The following MSMO1 variants were observed in gnomAD, a reference collection of about 807,000 sequenced individuals.
MSMO1 encodes C-4 methylsterol oxidase.
MSMO1 carries 18 observed loss-of-function variants against 30.4 expected under a neutral mutation model. The ratio of observed to expected loss-of-function variants is 0.59; its 90% CI spans 0.41 to 0.88. MSMO1 has a LOEUF of 0.88. Ranked by LOEUF, MSMO1 falls within the 40% of genes least tolerant of loss-of-function variation. The probability of loss-of-function intolerance (pLI) is 0.00; values close to 1 mark genes in which losing one functional copy is unlikely to be tolerated. For missense variants in MSMO1, 284 were observed against 340.5 expected (o/e 0.83, Z 1.31); for synonymous variants, 84 against 107.9 (o/e 0.78, Z 1.37).
At chr4:165,334,593 C>T (rs1399372657) in intron 2 of MSMO1, among the ~76,000 whole-genome samples, 2 of 152,154 alleles carry the variant, frequency 1.3e-5, no homozygotes, top group Non-Finnish European at 2.9e-5. Context: ...TGGATATTTG[C>T]TTCATTGCAC....
At chr4:165,339,368 T>G (rs562277779) in intron 4 of MSMO1, among the ~76,000 whole-genome samples, 1 of 152,284 alleles carries the variant, frequency 6.6e-6, no homozygotes, top group Non-Finnish European at 1.5e-5. Context: ...ACTCGCAAAG[T>G]GCTGGGATTA....
At position 165,337,548 on chromosome 4, in the gene MSMO1, CAT is replaced by C. The variant is rs960318316; in HGVS notation, c.256-239_256-238del. Among the ~76,000 whole-genome samples the C allele has an allele frequency of 5.3e-5, 8 of 152,284 alleles. No homozygotes were observed. The South Asian group carries it at 1.2e-3, about 24-fold the overall frequency. On this transcript the variant is annotated intron_variant, in intron 2 of 5. Transcript: ENST00000261507. ...GCAAAGACTGGAGAATTATTCATTC[CAT>C]AGTGTTTCTTAGTTTGTTTGAGATC...
In MSMO1 at chr4:165,340,465, TAGG is replaced by T. The variant is rs765390986; in HGVS notation, c.686+93_686+95del. 11 of 1,086,574 alleles carry T rather than the reference TAGG, an allele frequency of 1.0e-5. No homozygotes were observed. The East Asian group carries it at 1.9e-4, about 19-fold the overall frequency. 67.3% of individuals were successfully genotyped at this position (1,086,574 alleles called of 1,614,324 possible). On this transcript the variant is annotated intron_variant, in intron 5 of 5. Coordinates refer to ENST00000261507, the MANE Select transcript of MSMO1 (RefSeq NM_006745.5). ...ATTATCATATTTCTAAGGAGACTAA[TAGG>T]AGAAGTTAATCTTCTTAATGTTATA...
Position 165,341,972 on chromosome 4 carries a change from GAT to G in MSMO1, c.*28_*29del, listed in dbSNP as rs1485454918. The G allele has an allele frequency of 1.9e-6, 3 of 1,572,576 alleles. No homozygotes were observed. Among genetic ancestry groups the G allele is most frequent in the African/African-American group, 2.7e-5 (2 of 73,986 alleles). On this transcript the variant is annotated 3_prime_UTR_variant, in exon 6 of 6. Transcript: ENST00000261507. ...ATATCTCACGTAAACCTTCCTGAAA[GAT>G]AAACGTTTTCCTGAATTCAGAAACT...
Position 165,340,236 on chromosome 4 carries a change from G to C in MSMO1, c.547G>C (p.Glu183Gln). ...HHEFQAPFGM[E>Q]AEYAHPLETL... is the part of the protein sequence containing the mutation. ...TTTGTCTTAGGCTCCATTTGGAATG[G>C]AAGCTGAATATGCACATCCTTTGGA... The change falls in exon 5 of 6, where the codon GAA (glutamate) becomes CAA (glutamine). Residue 183 changes from glutamate to glutamine, a missense_variant. Physicochemically the swap from Glu to Gln is conservative, Grantham distance 29 (BLOSUM62 2). Transcript: ENST00000261507. 6.2e-7 allele frequency: 1 copy of C among 1,613,814 alleles called. No individual in the cohort carries two copies. Among genetic ancestry groups the C allele is most frequent in the South Asian group, 1.1e-5 (1 of 91,074 alleles).
In MSMO1 at chr4:165,335,645, G is replaced by A. The variant is rs1028272054; in HGVS notation, c.255+2020G>A. Among the ~76,000 whole-genome samples the A allele has an allele frequency of 1.1e-4, 16 of 152,310 alleles. No individual in the cohort carries two copies. The East Asian group carries it at 1.7e-3, about 17-fold the overall frequency. On this transcript the variant is annotated intron_variant, in intron 2 of 5. Transcript: ENST00000261507. ...CAGTTTGTAACTGACTCACTGGTTAGAAGTAGTAACCTTTGCAGAGAGACA... is the reference window on the plus strand; with the variant it reads ...CAGTTTGTAACTGACTCACTGGTTAAAAGTAGTAACCTTTGCAGAGAGACA...
intron 2 of MSMO1, among the ~76,000 whole-genome samples, chr4:165,335,613 T>C (rs1420538799): frequency 1.3e-5 from 2 of 152,210 alleles, no homozygotes; most frequent in African/African-American, 2.4e-5. Flanking sequence ...CTTTTTCTCC[T>C]TCACTGCAGT....
intron 1 of MSMO1, 94 bp from the exon 2 acceptor site, chr4:165,333,246 T>G: frequency 9.5e-7 from 1 of 1,053,944 alleles, no homozygotes; most frequent in East Asian, 2.6e-5. Context: ...TTAGTAATTA[T>G]CATTTTTAAA....
At chr4:165,331,088 G>C (rs1747376119) in intron 1 of MSMO1, among the ~76,000 whole-genome samples, 1 of 152,094 alleles carries the variant, frequency 6.6e-6, no homozygotes, top group Non-Finnish European at 1.5e-5. Context: ...AGGATTACTT[G>C]AGCCTAGGAG....
chr4:165,337,726 A>T, intron 2 of MSMO1, 63 bp from the exon 3 acceptor site: 1 of 1,536,924 alleles, frequency 6.5e-7, no homozygotes, highest in Non-Finnish European at 9.0e-7. Flanking sequence ...CAGAGAACAA[A>T]TTAGGTCAAG....
At chr4:165,340,441 T>C in intron 5 of MSMO1, 66 bp downstream of exon 5, 2 of 1,346,376 alleles carry the variant, frequency 1.5e-6, no homozygotes, top group South Asian at 1.2e-5. Flanking sequence ...GGCCATAAGA[T>C]TATCATATTT....
chr4:165,339,324 G>C (rs997693269), intron 4 of MSMO1, among the ~76,000 whole-genome samples: 4 of 151,672 alleles, frequency 2.6e-5, no homozygotes, highest in Admixed American at 6.6e-5. Context: ...GGCTGGTCTC[G>C]AACTCCTGAC....
At chr4:165,332,541 G>C (rs1747427017) in intron 1 of MSMO1, among the ~76,000 whole-genome samples, 1 of 152,160 alleles carries the variant, frequency 6.6e-6, no homozygotes, top group African/African-American at 2.4e-5. Flanking sequence ...TTTTGAATTA[G>C]GTGTTGCTAA....
At chr4:165,335,980 C>G (rs1229729494) in intron 2 of MSMO1, among the ~76,000 whole-genome samples, 4 of 151,962 alleles carry the variant, frequency 2.6e-5, no homozygotes, top group African/African-American at 7.3e-5. Flanking sequence ...AGGCAGATAC[C>G]CTGATTAACA....
intron 3 of MSMO1, among the ~76,000 whole-genome samples, chr4:165,338,320 A>G (rs1229502033): frequency 2.0e-5 from 3 of 150,250 alleles, no homozygotes; most frequent in Non-Finnish European, 4.4e-5. Context: ...ATATATATAT[A>G]TATATATATA....
intron 2 of MSMO1, among the ~76,000 whole-genome samples, chr4:165,335,543 GATTT>G: frequency 6.6e-6 from 1 of 152,100 alleles, no homozygotes; most frequent in Middle Eastern, 3.2e-3. Flanking sequence ...TTCACCCAGT[GATTT>G]ATTTATAGGG....
chr4:165,338,217 TAC>T (rs1184665003), intron 3 of MSMO1, among the ~76,000 whole-genome samples: 1 of 151,638 alleles, frequency 6.6e-6, no homozygotes, highest in Non-Finnish European at 1.5e-5. Context: ...AAAAATATAT[TAC>T]ATTTTAATTT....
intron 5 of MSMO1, 133 bp downstream of exon 5, chr4:165,340,508 C>T (rs2126628517): frequency 1.3e-6 from 1 of 780,528 alleles, no homozygotes; most frequent in Non-Finnish European, 2.1e-6. Context: ...GAAAACATAA[C>T]TGTTGGATAA....
chr4:165,338,353 CAT>C (rs372359282), intron 3 of MSMO1, among the ~76,000 whole-genome samples: 2 of 150,374 alleles, frequency 1.3e-5, no homozygotes, highest in South Asian at 4.2e-4. Context: ...TATACACACA[CAT>C]ATATATACTC....
Sources: allele counts gnomAD v4.1 joint callset (sites outside exome capture counted in the v4.1 genomes callset), GRCh38; gene constraint gnomAD v4.1.1; transcripts MANE v1.5; gene names NCBI Gene and HGNC (gene_info 2026-07-23, HGNC 2026-07-21).